Variants in MLXIPL observed in about 807,000 individuals in gnomAD.
The protein encoded by MLXIPL is MLX interacting protein like.
MLXIPL carries 49 observed loss-of-function variants against 81.5 expected under a neutral mutation model. That is an observed-to-expected ratio of 0.60 (90% CI 0.48 to 0.76). The LOEUF is 0.76. Among genes scored for constraint, MLXIPL ranks in the 30% least tolerant of loss-of-function variants. MLXIPL has a pLI of 0.00. For synonymous variants in MLXIPL, 466 were observed against 485.5 expected, an observed-to-expected ratio of 0.96 and a Z score of 0.53; for missense variants, 1,053 against 1,167.0, an observed-to-expected ratio of 0.90 and a Z score of 1.42.
Position 73,624,512 on chromosome 7 carries a change from G to A in MLXIPL, c.-20C>T. 6.6e-7 allele frequency: 1 copy of A among 1,522,530 alleles called. No homozygotes were observed. The highest frequency in any genetic ancestry group is 8.8e-7 in the Non-Finnish European group (1 of 1,142,052). 94.3% of individuals were successfully genotyped at this position (1,522,530 alleles called of 1,614,324 possible). On this transcript the variant is annotated 5_prime_UTR_variant, in exon 1 of 17. Transcript: ENST00000313375. Reference sequence around the variant, plus strand: ...GGCCATGGCTGTCGCCGCCGCAACCGCCTGGTCCCTGCTCCGCGCAGCGCG... The same window carrying A: ...GGCCATGGCTGTCGCCGCCGCAACCACCTGGTCCCTGCTCCGCGCAGCGCG...
intron 7 of MLXIPL, among the ~76,000 whole-genome samples, chr7:73,603,388 C>T (rs1795042951): frequency 1.3e-5 from 2 of 152,196 alleles, no homozygotes; most frequent in South Asian, 4.1e-4. Flanking sequence ...GGTGGCTGGG[C>T]TCCTACCTGT....
intron 8 of MLXIPL, among the ~76,000 whole-genome samples, chr7:73,598,917 GAGACC>G (rs1425995406): frequency 1.3e-5 from 2 of 151,806 alleles, no homozygotes; most frequent in African/African-American, 4.8e-5. Context: ...TCAGGAGTTT[GAGACC>G]AGCCTGGGCA....
intron 3 of MLXIPL, 83 bp downstream of exon 3, chr7:73,607,507 C>T (rs992489740): frequency 1.0e-5 from 16 of 1,566,284 alleles, no homozygotes; most frequent in African/African-American, 5.4e-5. Flanking sequence ...CCTGTCTGCT[C>T]AGCGCAAGGC....
At chr7:73,645,460 G>A in the MLXIPL span, among the ~76,000 whole-genome samples, 3 of 151,278 alleles carry the variant, frequency 2.0e-5, no homozygotes, top group South Asian at 2.1e-4. Context: ...GAGAGACAGA[G>A]CCACCTTGCC....
Position 73,597,572 on chromosome 7 carries a change from G to T in MLXIPL, c.1213C>A (p.Pro405Thr), listed in dbSNP as rs868927330. 5.6e-6 allele frequency: 6 copies of T among 1,071,074 alleles called. No individual in the cohort carries two copies. The highest frequency in any genetic ancestry group is 6.9e-6 in the Non-Finnish European group (6 of 875,580). The allele number at this position is 1,071,074 out of a possible 1,614,324, so 66.3% of individuals were successfully genotyped here. ...LLHYPPPAKV[P>T]GLEPCPPPPF... is the part of the protein sequence containing the mutation. ...GGTGGGGGGCAGGGCTCCAGGCCTG[G>T]CACCTTGGCAGGGGGAGGGTAATGC... Residue 405 changes from proline to threonine, a missense_variant, in exon 9 of 17, where the codon CCA becomes ACA. Coordinates refer to ENST00000313375, the MANE Select transcript of MLXIPL (RefSeq NM_032951.3).
chr7:73,605,964 G>C lies in MLXIPL; in HGVS notation c.766C>G (p.Leu256Val). Reference protein sequence around the residue: ...NCFLSDISDTLFTMTQSGPSP... With the variant: ...NCFLSDISDTVFTMTQSGPSP... Reference sequence around the variant, plus strand: ...GGGCCGGACTGAGTCATGGTGAAGAGAGTGTCTGAGATGTCGGACAAAAAG... The same window carrying C: ...GGGCCGGACTGAGTCATGGTGAAGACAGTGTCTGAGATGTCGGACAAAAAG... Residue 256 changes from leucine (L) to valine (V), a missense_variant, in exon 6 of 17, where the codon CTC (leucine) becomes GTC (valine). This residue lies in a region of MLXIPL where 823 missense variants were observed against 933.0 expected (regional missense o/e 0.88). Coordinates refer to ENST00000313375, the MANE Select transcript of MLXIPL (RefSeq NM_032951.3). 6.3e-7 allele frequency: 1 copy of C among 1,596,114 alleles called. No individual in the cohort carries two copies. The highest frequency in any genetic ancestry group is 8.5e-7 in the Non-Finnish European group (1 of 1,171,324).
At chr7:73,613,414 C>T (rs1245550017) in intron 2 of MLXIPL, among the ~76,000 whole-genome samples, 2 of 152,052 alleles carry the variant, frequency 1.3e-5, no homozygotes, top group Non-Finnish European at 2.9e-5. Flanking sequence ...GCCTGGGCAA[C>T]ATGGTGAAAC....
At position 73,606,127 on chromosome 7, in the gene MLXIPL, C is replaced by T. The variant is rs782729011; in HGVS notation, c.619-16G>A. On this transcript the variant is annotated splice_polypyrimidine_tract_variant and intron_variant, in intron 5 of 16. Coordinates refer to ENST00000313375, the MANE Select transcript of MLXIPL (RefSeq NM_032951.3). ...TGCCTTCCGCCTAGGGAGACAGAGC[C>T]GTCAGCAGCCGCTAGAGAGCTCCCA... 9.6e-6 allele frequency: 15 copies of T among 1,559,280 alleles called. 1 individual carries two copies. The highest frequency in any genetic ancestry group is 1.7e-4 in the Middle Eastern group (1 of 5,994).
At chr7:73,621,464 C>A (rs976287563) in intron 1 of MLXIPL, among the ~76,000 whole-genome samples, 2 of 151,846 alleles carry the variant, frequency 1.3e-5, no homozygotes, top group Non-Finnish European at 2.9e-5. Context: ...TTCTTCCCAC[C>A]ACCTTCTGAA....
the MLXIPL span, among the ~76,000 whole-genome samples, chr7:73,646,147 A>T: frequency 6.6e-6 from 1 of 152,040 alleles, no homozygotes; most frequent in Non-Finnish European, 1.5e-5. Flanking sequence ...AACCCAACAC[A>T]TGTCTAAGCT....
At chr7:73,619,655 G>A (rs1270586361) in intron 1 of MLXIPL, among the ~76,000 whole-genome samples, 4 of 150,458 alleles carry the variant, frequency 2.7e-5, no homozygotes, top group Non-Finnish European at 5.9e-5. Flanking sequence ...TTCTGGTTGG[G>A]CGCAGTGGCT....
intron 2 of MLXIPL, chr7:73,610,062 A>G (rs540490023): frequency 3.3e-5 from 5 of 152,548 alleles, no homozygotes; most frequent in African/African-American, 1.2e-4. Flanking sequence ...CCTCATATCC[A>G]GCTGCCTGGG....
intron 9 of MLXIPL, 42 bp downstream of exon 9, chr7:73,597,140 C>T: frequency 6.5e-7 from 1 of 1,543,048 alleles, no homozygotes; most frequent in Non-Finnish European, 8.8e-7. Flanking sequence ...CACCCCCTGG[C>T]CTCCCTCCCC....
intron 8 of MLXIPL, among the ~76,000 whole-genome samples, chr7:73,598,205 C>T (rs572829514): frequency 2.0e-4 from 31 of 152,198 alleles, no homozygotes; most frequent in Non-Finnish European, 3.7e-4. Context: ...CTACTTCATC[C>T]ACCAATCTCT....
In MLXIPL at chr7:73,612,116, A is replaced by T. The variant is rs546213003; in HGVS notation, c.400+3955T>A. On this transcript the variant is annotated intron_variant, in intron 2 of 16. Coordinates refer to ENST00000313375, the MANE Select transcript of MLXIPL (RefSeq NM_032951.3). ...TGAACTGAGAGGATTGCTTGAGGCC[A>T]GGAGTTTGAGACCAGCCTGAGCAAC... 3.3e-5 allele frequency among the ~76,000 whole-genome samples: 5 copies of T among 152,162 alleles called. No homozygotes were observed. In the East Asian group the frequency reaches 9.7e-4, roughly 30 times the overall value.
chr7:73,605,943 C>G lies in MLXIPL; in HGVS notation c.787G>C (p.Gly263Arg). Residue 263 changes from glycine to arginine, a missense_variant, in exon 6 of 17, where the codon GGC becomes CGC. Physicochemically the swap from Gly to Arg is moderately radical, Grantham distance 125. Coordinates refer to ENST00000313375, the MANE Select transcript of MLXIPL (RefSeq NM_032951.3). ...SDTLFTMTQS[G>R]PSPLQLPPED... ...GGCGGCAGCTGCAGGGGCGAAGGGCCGGACTGAGTCATGGTGAAGAGAGTG... is the reference window on the plus strand; with the variant it reads ...GGCGGCAGCTGCAGGGGCGAAGGGCGGGACTGAGTCATGGTGAAGAGAGTG... 1 of 1,595,262 alleles carries G rather than the reference C, an allele frequency of 6.3e-7. No homozygotes were observed. The highest frequency in any genetic ancestry group is 8.5e-7 in the Non-Finnish European group (1 of 1,170,692).
At chr7:73,608,592 A>G (rs192191228) in intron 2 of MLXIPL, among the ~76,000 whole-genome samples, 77 of 149,190 alleles carry the variant, frequency 5.2e-4, no homozygotes, top group African/African-American at 1.9e-3. Context: ...AAGAAAAAAA[A>G]AAAAGAAAAA....
chr7:73,598,939 T>C (rs35732917), intron 8 of MLXIPL, among the ~76,000 whole-genome samples: 44,511 of 151,402 alleles, frequency 0.29, 7,183 homozygotes, highest in African/African-American at 0.42. Flanking sequence ...GGCAACATGG[T>C]GAAACCCTGT....
chr7:73,621,097 A>G (rs1002507254), intron 1 of MLXIPL, among the ~76,000 whole-genome samples: 2 of 151,724 alleles, frequency 1.3e-5, no homozygotes, highest in South Asian at 4.2e-4. Context: ...TAAGAAGGAG[A>G]AGAAAACTCT....
Sources: allele counts gnomAD v4.1 joint callset (sites outside exome capture counted in the v4.1 genomes callset), GRCh38; gene constraint gnomAD v4.1.1; regional missense constraint gnomAD v4.1.1; transcripts MANE v1.5; gene names NCBI Gene and HGNC (gene_info 2026-07-23, HGNC 2026-07-21).